The following PRKCE variants were observed in gnomAD, a reference collection of about 807,000 sequenced individuals.
PRKCE encodes protein kinase C epsilon type.
Under a neutral mutation model 85.4 loss-of-function variants are expected in PRKCE, and 16 were observed. The observed-to-expected ratio is 0.19, with a 90% CI of 0.13 to 0.28. The LOEUF is 0.28. Ranked by LOEUF, PRKCE falls within the 10% of genes least tolerant of loss-of-function variation. The pLI is 1.00. For missense variants in PRKCE, 573 were observed against 975.2 expected, an observed-to-expected ratio of 0.59 and a Z score of 5.49; for synonymous variants, 388 against 371.5, an observed-to-expected ratio of 1.04 and a Z score of -0.51.
intron 6 of PRKCE, among the ~76,000 whole-genome samples, chr2:45,996,628 A>G (rs965476138): frequency 9.2e-5 from 14 of 151,836 alleles, no homozygotes; most frequent in African/African-American, 2.9e-4. Context: ...ATTGATAACA[A>G]TTGATTACAT....
chr2:45,842,005 T>C (rs1411358420), intron 1 of PRKCE, among the ~76,000 whole-genome samples: 2 of 152,050 alleles, frequency 1.3e-5, no homozygotes, highest in South Asian at 2.1e-4. Context: ...TGTAGACAGA[T>C]GGGATTGTGG....
At chr2:45,731,738 C>T (rs557525142) in intron 1 of PRKCE, among the ~76,000 whole-genome samples, 59 of 151,380 alleles carry the variant, frequency 3.9e-4, no homozygotes, top group Non-Finnish European at 6.8e-4. Context: ...ATGCTCCTAC[C>T]TCAGCCTCCC....
At chr2:45,671,809 C>A (rs1280580906) in intron 1 of PRKCE, among the ~76,000 whole-genome samples, 3 of 151,962 alleles carry the variant, frequency 2.0e-5, no homozygotes, top group African/African-American at 7.2e-5. Flanking sequence ...TGGTTCACAC[C>A]TGTAATCCAA....
At chr2:45,742,725 C>G (rs1215309698) in intron 1 of PRKCE, among the ~76,000 whole-genome samples, 1 of 152,164 alleles carries the variant, frequency 6.6e-6, no homozygotes, top group Non-Finnish European at 1.5e-5. Context: ...TTATGAAAGA[C>G]AGTATGGAGG....
chr2:46,109,414 T>C (rs1672047407), intron 11 of PRKCE, among the ~76,000 whole-genome samples: 1 of 152,200 alleles, frequency 6.6e-6, no homozygotes, highest in South Asian at 2.1e-4. Context: ...ATACAGATCC[T>C]ATACATATTT....
intron 10 of PRKCE, among the ~76,000 whole-genome samples, chr2:46,044,492 G>A (rs546286795): frequency 6.6e-6 from 1 of 152,298 alleles, no homozygotes; most frequent in East Asian, 1.9e-4. Flanking sequence ...AAATACGCTT[G>A]TATTTAACTG....
At chr2:46,018,042 ATT>A (rs1706314646) in intron 10 of PRKCE, among the ~76,000 whole-genome samples, 1 of 152,162 alleles carries the variant, frequency 6.6e-6, no homozygotes, top group Non-Finnish European at 1.5e-5. Context: ...TGTCAGCTCA[ATT>A]TTACATGAAC....
intron 10 of PRKCE, among the ~76,000 whole-genome samples, chr2:46,029,991 C>T (rs1253463474): frequency 6.6e-6 from 1 of 152,118 alleles, no homozygotes; most frequent in Non-Finnish European, 1.5e-5. Context: ...GTGAAAAACC[C>T]ACCCGCAAAA....
intron 1 of PRKCE, among the ~76,000 whole-genome samples, chr2:45,733,446 A>T (rs1233734191): frequency 6.6e-6 from 1 of 152,200 alleles, no homozygotes; most frequent in Non-Finnish European, 1.5e-5. Context: ...ATACGCAAGA[A>T]ACAGTAAATC....
intron 1 of PRKCE, among the ~76,000 whole-genome samples, chr2:45,821,555 G>A (rs1689533560): frequency 6.6e-6 from 1 of 152,172 alleles, no homozygotes; most frequent in African/African-American, 2.4e-5. Context: ...CTGGAGGAAG[G>A]ATTGAGGAGT....
intron 2 of PRKCE, among the ~76,000 whole-genome samples, chr2:45,937,135 C>T (rs1258324100): frequency 1.3e-5 from 2 of 152,122 alleles, no homozygotes; most frequent in Non-Finnish European, 2.9e-5. Context: ...GATTCCATGT[C>T]CATCTGGTTT....
intron 1 of PRKCE, among the ~76,000 whole-genome samples, chr2:45,806,716 T>C (rs1330369755): frequency 6.6e-6 from 1 of 152,164 alleles, no homozygotes; most frequent in African/African-American, 2.4e-5. Flanking sequence ...TTCACTTAGG[T>C]CGCTGGATTC....
At chr2:46,134,833 C>G (rs1248774125) in intron 11 of PRKCE, among the ~76,000 whole-genome samples, 1 of 152,238 alleles carries the variant, frequency 6.6e-6, no homozygotes, top group Non-Finnish European at 1.5e-5. Flanking sequence ...GACGGATCGT[C>G]AGGCTAGCTC....
chr2:45,665,145 G>A (rs1407290567), intron 1 of PRKCE, among the ~76,000 whole-genome samples: 10 of 152,214 alleles, frequency 6.6e-5, no homozygotes, highest in Non-Finnish European at 2.9e-5. Context: ...TGATCTTTAA[G>A]CTCGGATTTC....
chr2:45,658,749 A>G (rs575243264), intron 1 of PRKCE, among the ~76,000 whole-genome samples: 7 of 152,364 alleles, frequency 4.6e-5, no homozygotes, highest in African/African-American at 1.4e-4. Flanking sequence ...AGAATCTTAA[A>G]TCAGAACATA....
rs927286400 is a variant in PRKCE at position 46,024,564 on chromosome 2, G to A, written c.1437+14047G>A. ...GGGAACACTTGTGTGCGGGTTGCTA[G>A]GAAGCTAAGCTTATTACCTGGCTCT... On this transcript the variant is annotated intron_variant, in intron 10 of 14. Coordinates refer to ENST00000306156, the MANE Select transcript of PRKCE (RefSeq NM_005400.3). Among the ~76,000 whole-genome samples, 4 of 152,128 alleles carry A rather than the reference G, an allele frequency of 2.6e-5. No homozygotes were observed. In the East Asian group the frequency reaches 7.7e-4, roughly 29 times the overall value.
intron 2 of PRKCE, among the ~76,000 whole-genome samples, chr2:45,878,896 A>G (rs1242237101): frequency 6.6e-6 from 1 of 152,056 alleles, no homozygotes. Context: ...TTTAAAATCA[A>G]CTTTCTCTCT....
intron 5 of PRKCE, among the ~76,000 whole-genome samples, chr2:45,982,759 C>A (rs1037020872): frequency 6.6e-6 from 1 of 152,222 alleles, no homozygotes; most frequent in Non-Finnish European, 1.5e-5. Context: ...CCTCCTCCCT[C>A]TGTTCTCTGA....
At chr2:45,702,725 C>T (rs1233997652) in intron 1 of PRKCE, among the ~76,000 whole-genome samples, 1 of 152,080 alleles carries the variant, frequency 6.6e-6, no homozygotes, top group African/African-American at 2.4e-5. Context: ...GGTACCCCAG[C>T]ATATAAAGTG....
Sources: allele counts gnomAD v4.1 joint callset (sites outside exome capture counted in the v4.1 genomes callset), GRCh38; gene constraint gnomAD v4.1.1; transcripts MANE v1.5; gene names NCBI Gene and HGNC (gene_info 2026-07-23, HGNC 2026-07-21).